Variants in ALCAM observed in about 807,000 individuals in gnomAD.
ALCAM encodes CD166 antigen.
In ALCAM, 30 loss-of-function variants were observed where a neutral mutation model predicts 70.9. The ratio of observed to expected loss-of-function variants is 0.42; its 90% CI spans 0.32 to 0.57. The LOEUF is 0.57. ALCAM is among the 20% of genes least tolerant of loss of function. The pLI is 0.11. For synonymous variants in ALCAM, 249 were observed against 242.5 expected, an observed-to-expected ratio of 1.03 and a Z score of -0.25; for missense variants, 591 against 695.1, an observed-to-expected ratio of 0.85 and a Z score of 1.68.
intron 8 of ALCAM, among the ~76,000 whole-genome samples, chr3:105,542,171 C>T (rs1940133819): frequency 6.6e-6 from 1 of 151,838 alleles, no homozygotes; most frequent in Non-Finnish European, 1.5e-5. Flanking sequence ...CACCCAAACT[C>T]AGACAATACA....
At chr3:105,413,922 A>G (rs1576146989) in intron 1 of ALCAM, among the ~76,000 whole-genome samples, 1 of 152,156 alleles carries the variant, frequency 6.6e-6, no homozygotes, top group Non-Finnish European at 1.5e-5. Context: ...TTTATCAAAC[A>G]TTATTTAGTT....
chr3:105,519,159 A>C (rs914484496), intron 1 of ALCAM, among the ~76,000 whole-genome samples: 8 of 152,120 alleles, frequency 5.3e-5, no homozygotes, highest in African/African-American at 1.9e-4. Flanking sequence ...GTTGTAAATA[A>C]ACTAAGGTTA....
chr3:105,512,627 G>A (rs1334450651), intron 1 of ALCAM, among the ~76,000 whole-genome samples: 2 of 151,852 alleles, frequency 1.3e-5, no homozygotes, highest in Non-Finnish European at 2.9e-5. Context: ...TACATCTCCA[G>A]TTAAGCTAGT....
At chr3:105,478,196 T>C (rs1236652039) in intron 1 of ALCAM, among the ~76,000 whole-genome samples, 1 of 152,144 alleles carries the variant, frequency 6.6e-6, no homozygotes, top group Non-Finnish European at 1.5e-5. Flanking sequence ...CTCAAGAGTG[T>C]TGAATTTTGT....
chr3:105,405,791 G>T (rs936468876), intron 1 of ALCAM, among the ~76,000 whole-genome samples: 1 of 152,110 alleles, frequency 6.6e-6, no homozygotes. Context: ...TAAATAACTT[G>T]CTCCTCCATG....
At chr3:105,375,927 C>T (rs985437566) in intron 1 of ALCAM, among the ~76,000 whole-genome samples, 1 of 152,122 alleles carries the variant, frequency 6.6e-6, no homozygotes, top group African/African-American at 2.4e-5. Context: ...AAACTTTGAC[C>T]CTGTATTAAC....
At chr3:105,424,918 A>T (rs1936751843) in intron 1 of ALCAM, among the ~76,000 whole-genome samples, 1 of 151,776 alleles carries the variant, frequency 6.6e-6, no homozygotes, top group African/African-American at 2.4e-5. Context: ...ATCAAAATGG[A>T]ATACATGCTA....
chr3:105,545,638 G>A (rs73175435), intron 9 of ALCAM, among the ~76,000 whole-genome samples: 15,267 of 151,340 alleles, frequency 0.1, 982 homozygotes, highest in Middle Eastern at 0.17. Flanking sequence ...ATATACCACA[G>A]GGCTTAATAA....
chr3:105,520,063 A>G lies in ALCAM; in HGVS notation c.74-4A>G, dbSNP rs2152622796. The stretch of plus-strand genomic sequence containing the variant: ...TCTTCTTCCTTTTTTTTTTTCCCCC[A>G]AAGGCCTTGGATGGTATACTGTAAA... On this transcript the variant is annotated splice_region_variant and splice_polypyrimidine_tract_variant and intron_variant, in intron 1 of 15. Transcript: ENST00000306107. The G allele has an allele frequency of 6.4e-7, 1 of 1,560,982 alleles. No homozygotes were observed. The highest frequency in any genetic ancestry group is 1.2e-5 in the South Asian group (1 of 83,658).
At chr3:105,452,846 T>A (rs925379063) in intron 1 of ALCAM, among the ~76,000 whole-genome samples, 1 of 152,220 alleles carries the variant, frequency 6.6e-6, no homozygotes, top group East Asian at 1.9e-4. Flanking sequence ...TTTTTTCATA[T>A]GTTTGTTGGC....
chr3:105,440,235 G>A (rs114099723), intron 1 of ALCAM, among the ~76,000 whole-genome samples: 33 of 152,288 alleles, frequency 2.2e-4, no homozygotes, highest in African/African-American at 7.0e-4. Context: ...CAAATGAGGC[G>A]AAAGGAAGTC....
intron 14 of ALCAM, among the ~76,000 whole-genome samples, chr3:105,566,051 G>C (rs1402493967): frequency 1.3e-5 from 2 of 152,152 alleles, no homozygotes; most frequent in East Asian, 1.9e-4. Flanking sequence ...ACACAGATCA[G>C]AGTACTTTGC....
chr3:105,441,304 A>C (rs905051425), intron 1 of ALCAM, among the ~76,000 whole-genome samples: 1 of 152,094 alleles, frequency 6.6e-6, no homozygotes, highest in Non-Finnish European at 1.5e-5. Context: ...TGTTAACTAA[A>C]TGGTCTGAAC....
chr3:105,520,022 T>G, intron 1 of ALCAM, 45 bp from the exon 2 acceptor site: 1 of 1,306,340 alleles, frequency 7.7e-7, no homozygotes, highest in Non-Finnish European at 1.1e-6. Context: ...AAAATTTTGT[T>G]CTCTCTCTCT....
chr3:105,402,980 C>A (rs1359596935), intron 1 of ALCAM, among the ~76,000 whole-genome samples: 1 of 116,332 alleles, frequency 8.6e-6, no homozygotes, highest in African/African-American at 3.3e-5. Flanking sequence ...GAGTTTTGCT[C>A]TTGTTGCCCA....
intron 1 of ALCAM, among the ~76,000 whole-genome samples, chr3:105,398,298 T>C (rs1041655468): frequency 6.6e-6 from 1 of 152,034 alleles, no homozygotes; most frequent in African/African-American, 2.4e-5. Flanking sequence ...CCTCTTTCAT[T>C]TTTTTTCAGA....
intron 1 of ALCAM, among the ~76,000 whole-genome samples, chr3:105,392,586 G>T (rs571791937): frequency 1.3e-5 from 2 of 151,264 alleles, no homozygotes; most frequent in South Asian, 4.2e-4. Context: ...CTTTAATTCT[G>T]CTCTGATCTT....
chr3:105,387,303 A>T (rs1294921882), intron 1 of ALCAM, among the ~76,000 whole-genome samples: 1 of 151,412 alleles, frequency 6.6e-6, no homozygotes, highest in East Asian at 1.9e-4. Context: ...AACATTTCAA[A>T]CATAAGATCA....
intron 3 of ALCAM, chr3:105,524,936 A>G (rs1187055373): frequency 8.1e-6 from 8 of 985,912 alleles, no homozygotes; most frequent in African/African-American, 7.0e-5. Flanking sequence ...TTGCTGCATA[A>G]TAAAAAAATA....
Sources: gnomAD v4.1 joint callset for allele counts (sites outside exome capture counted in the v4.1 genomes callset) on GRCh38, gnomAD v4.1.1 for gene constraint, MANE v1.5 for transcripts, NCBI Gene and HGNC (gene_info 2026-07-23, HGNC 2026-07-21) for gene names.